Variants in CDYL2 observed in about 807,000 individuals in gnomAD.
CDYL2 encodes chromodomain Y-like protein 2.
CDYL2 carries 23 observed loss-of-function variants against 49.4 expected under a neutral mutation model. The ratio of observed to expected loss-of-function variants is 0.47; its 90% confidence interval spans 0.34 to 0.66. CDYL2 has a LOEUF of 0.66. CDYL2 is among the 30% of genes least tolerant of loss of function. CDYL2 has a pLI of 0.01. For missense variants in CDYL2, 678 were observed against 656.4 expected, an observed-to-expected ratio of 1.03 and a Z score of -0.36; for synonymous variants, 360 against 268.8, an observed-to-expected ratio of 1.34 and a Z score of -3.32.
chr16:80,803,122 A>G (rs2142428176), intron 1 of CDYL2, among the ~76,000 whole-genome samples: 1 of 152,192 alleles, frequency 6.6e-6, no homozygotes, highest in Non-Finnish European at 1.5e-5. Context: ...CCCTCTGGGG[A>G]GTGGTGGCTG....
Position 80,724,533 on chromosome 16 carries a change from C to T in CDYL2, c.25-39404G>A, listed in dbSNP as rs1198269698. 2.0e-5 allele frequency among the ~76,000 whole-genome samples: 3 copies of T among 152,190 alleles called. No individual in the cohort carries two copies. The East Asian group carries it at 5.8e-4, about 29-fold the overall frequency. On this transcript the variant is annotated intron_variant, in intron 1 of 6. Coordinates refer to ENST00000570137, the MANE Select transcript of CDYL2 (RefSeq NM_152342.4). ...TCATGAAGACCCCTAACACTCTCCA[C>T]CCACCTCAAGCACATAACACACACA...
intron 1 of CDYL2, among the ~76,000 whole-genome samples, chr16:80,729,940 G>A (rs1246161986): frequency 9.2e-5 from 14 of 152,042 alleles, no homozygotes; most frequent in South Asian, 4.2e-4. Context: ...TCTCTGGGAC[G>A]CATTCAAAGC....
intron 1 of CDYL2, among the ~76,000 whole-genome samples, chr16:80,749,917 G>A (rs907885363): frequency 6.6e-6 from 1 of 152,128 alleles, no homozygotes; most frequent in Non-Finnish European, 1.5e-5. Context: ...TTAAAAGGAT[G>A]AGTTCATGTC....
At chr16:80,687,279 T>A (rs1910234082) in intron 1 of CDYL2, among the ~76,000 whole-genome samples, 1 of 152,092 alleles carries the variant, frequency 6.6e-6, no homozygotes, top group Admixed American at 6.6e-5. Flanking sequence ...CTCTAGACAA[T>A]ATATGCTCAC....
At position 80,598,382 on chromosome 16, in the gene CDYL2, T is replaced by C. The variant is rs976755451; in HGVS notation, c.*6006A>G. On this transcript the variant is annotated 3_prime_UTR_variant, in exon 7 of 7. Coordinates refer to ENST00000570137, the MANE Select transcript of CDYL2 (RefSeq NM_152342.4). ...GAAGTTTGGTAATAAGCCTTACCAA[T>C]AGAATACCACTTCTTCAGCATCAAT... 3 of 152,134 alleles carry C rather than the reference T, an allele frequency of 2.0e-5. No homozygotes were observed. Among genetic ancestry groups the C allele is most frequent in the Admixed American group, 6.5e-5 (1 of 15,276 alleles). 9.4% of individuals were successfully genotyped at this position (152,134 alleles called of 1,614,324 possible). A position where few individuals can be genotyped will look rare whatever the true frequency, so the allele number is the denominator to read the frequency against.
At chr16:80,804,011 G>GGGC (rs1555503966) in intron 1 of CDYL2, 139 bp downstream of exon 1, 5 of 384,060 alleles carry the variant, frequency 1.3e-5, no homozygotes, top group South Asian at 1.2e-4. Context: ...GCCACCCTCC[G>GGGC]GCCGCCGCCG....
At chr16:80,784,957 G>C (rs963886596) in intron 1 of CDYL2, among the ~76,000 whole-genome samples, 1 of 152,138 alleles carries the variant, frequency 6.6e-6, no homozygotes, top group African/African-American at 2.4e-5. Context: ...AGGTCATGAA[G>C]CAAAGGATAG....
intron 1 of CDYL2, among the ~76,000 whole-genome samples, chr16:80,688,469 T>G (rs938355909): frequency 2.0e-5 from 3 of 152,186 alleles, no homozygotes; most frequent in African/African-American, 7.2e-5. Context: ...CACTACAAGA[T>G]GAATGGATGA....
At chr16:80,623,604 G>T (rs567669786) in intron 3 of CDYL2, among the ~76,000 whole-genome samples, 76 of 152,320 alleles carry the variant, frequency 5.0e-4, no homozygotes, top group South Asian at 3.7e-3. Context: ...GGGACCTGCA[G>T]GAAATTCATA....
In CDYL2 at chr16:80,662,846, G is replaced by A. The variant is rs1378876917; in HGVS notation, c.616+21692C>T. 5 of 447,998 alleles carry A rather than the reference G, an allele frequency of 1.1e-5. No individual in the cohort carries two copies. The East Asian group carries it at 2.8e-4, about 25-fold the overall frequency. The allele number at this position is 447,998 out of a possible 1,614,324, so 27.8% of individuals were successfully genotyped here. ...CATCTTGACAAGGATTTTCTCAAAT[G>A]TCTGGCTCCCTCCTCACCACCAGAT... On this transcript the variant is annotated intron_variant, in intron 2 of 6. Coordinates refer to ENST00000570137, the MANE Select transcript of CDYL2 (RefSeq NM_152342.4).
intron 2 of CDYL2, among the ~76,000 whole-genome samples, chr16:80,648,571 T>C (rs1804203166): frequency 6.6e-6 from 1 of 151,798 alleles, no homozygotes; most frequent in African/African-American, 2.4e-5. Flanking sequence ...TACCAAACAT[T>C]TGAAGAACTA....
At chr16:80,680,509 C>G (rs540929283) in intron 2 of CDYL2, among the ~76,000 whole-genome samples, 1 of 152,254 alleles carries the variant, frequency 6.6e-6, no homozygotes, top group Non-Finnish European at 1.5e-5. Context: ...ATGCTTTGGC[C>G]TGTTTAGACG....
chr16:80,777,368 TAAGTCAGAGAAACACTG>T (rs776343339), intron 1 of CDYL2, among the ~76,000 whole-genome samples: 3 of 151,966 alleles, frequency 2.0e-5, no homozygotes, highest in Non-Finnish European at 2.9e-5. Context: ...GAATGAATGA[TAAGTCAGAGAAACACTG>T]AAACAGAGCA....
At chr16:80,785,022 G>A (rs2142408945) in intron 1 of CDYL2, among the ~76,000 whole-genome samples, 1 of 152,302 alleles carries the variant, frequency 6.6e-6, no homozygotes, top group Non-Finnish European at 1.5e-5. Flanking sequence ...AAAACGGGGA[G>A]TGGTGTTAGC....
chr16:80,750,718 T>G (rs1467183422), intron 1 of CDYL2, among the ~76,000 whole-genome samples: 4 of 152,122 alleles, frequency 2.6e-5, no homozygotes, highest in Non-Finnish European at 4.4e-5. Flanking sequence ...TCCAAATGAT[T>G]TTATTAATAA....
At position 80,603,672 on chromosome 16, in the gene CDYL2, T is replaced by C. The variant is rs137894754; in HGVS notation, c.*716A>G. The C allele has an allele frequency of 4.7e-3, 715 of 152,688 alleles. 9 individuals carry two copies. The highest frequency in any genetic ancestry group is 0.017 in the East Asian group (86 of 5,192). The allele number at this position is 152,688 out of a possible 1,614,324, so 9.5% of individuals were successfully genotyped here. Reference sequence around the variant, plus strand: ...CAATATATAAACAAAAATAAATAAATAAAACAAGTCCAAGGAAAGAAAAAA... The same window carrying C: ...CAATATATAAACAAAAATAAATAAACAAAACAAGTCCAAGGAAAGAAAAAA... On this transcript the variant is annotated 3_prime_UTR_variant, in exon 7 of 7. Transcript: ENST00000570137.
chr16:80,712,011 AT>A (rs1481316516), intron 1 of CDYL2, among the ~76,000 whole-genome samples: 2 of 141,172 alleles, frequency 1.4e-5, no homozygotes, highest in African/African-American at 5.0e-5. Context: ...GTGTGTATAT[AT>A]GTGTGTATAT....
intron 2 of CDYL2, among the ~76,000 whole-genome samples, chr16:80,683,433 G>T (rs1910048182): frequency 6.6e-6 from 1 of 152,208 alleles, no homozygotes; most frequent in Non-Finnish European, 1.5e-5. Context: ...TCTCATGTTT[G>T]GGAGTATGAA....
chr16:80,706,591 C>G (rs1309846656), intron 1 of CDYL2, among the ~76,000 whole-genome samples: 1 of 152,188 alleles, frequency 6.6e-6, no homozygotes, highest in Non-Finnish European at 1.5e-5. Flanking sequence ...GAGTTGCCAC[C>G]AAGCCGCTAG....
Sources: gnomAD v4.1 joint callset for allele counts (sites outside exome capture counted in the v4.1 genomes callset) on GRCh38, gnomAD v4.1.1 for gene constraint, MANE v1.5 for transcripts, NCBI Gene and HGNC (gene_info 2026-07-23, HGNC 2026-07-21) for gene names.